KMT2C: variants seen among roughly 807,000 people sequenced by gnomAD.
The protein encoded by KMT2C is lysine methyltransferase 2C, also known as histone-lysine N-methyltransferase 2C.
Under a neutral mutation model 507.9 loss-of-function variants are expected in KMT2C, and 88 were observed. The observed-to-expected ratio is 0.17, with a 90% CI of 0.15 to 0.21. The LOEUF (loss-of-function observed/expected upper bound fraction) is 0.21, where lower values mean the gene tolerates loss of function less well. Among genes scored for constraint, KMT2C ranks in the 10% least tolerant of loss-of-function variants. The pLI, the probability that KMT2C is intolerant of heterozygous loss-of-function variation, is 1.00. For missense variants in KMT2C, 4,954 were observed against 5,957.8 expected, an observed-to-expected ratio of 0.83 and a Z score of 5.55; for synonymous variants, 2,049 against 2,080.8, an observed-to-expected ratio of 0.98 and a Z score of 0.42.
At chr7:152,305,066 A>ATTCT (rs2096603419) in intron 6 of KMT2C, among the ~76,000 whole-genome samples, 1 of 152,136 alleles carries the variant, frequency 6.6e-6, no homozygotes, top group South Asian at 2.1e-4. Flanking sequence ...GGTACTTAGA[A>ATTCT]CTTATTTGCT....
At chr7:152,163,988 T>C (rs983919511) in intron 42 of KMT2C, among the ~76,000 whole-genome samples, 162 bp from the exon 43 acceptor site, 5 of 152,210 alleles carry the variant, frequency 3.3e-5, no homozygotes, top group African/African-American at 9.6e-5. Context: ...AAAAATTGAA[T>C]TGATAAGCCT....
intron 5 of KMT2C, 121 bp downstream of exon 5, chr7:152,311,677 T>TA (rs1361776572): frequency 1.4e-6 from 1 of 724,302 alleles, no homozygotes; most frequent in Admixed American, 3.2e-5. Context: ...ATGATTTTTT[T>TA]ATAGTATGAT....
intron 6 of KMT2C, among the ~76,000 whole-genome samples, chr7:152,301,665 C>T (rs2096570078): frequency 6.6e-6 from 1 of 152,076 alleles, no homozygotes; most frequent in East Asian, 1.9e-4. Flanking sequence ...CCAGCTTAAA[C>T]AACTGAGATG....
rs1443441791 is a variant in KMT2C, at chr7:152,146,767, G to T, written c.13895-32C>A. On this transcript the variant is annotated intron_variant, in intron 52 of 58. Coordinates refer to ENST00000262189, the MANE Select transcript of KMT2C (RefSeq NM_170606.3). ...AGGGACAAAAACATAATTTTTATAG[G>T]AAATAGGATACAGTATAAAAAACAA... 5.6e-6 allele frequency: 9 copies of T among 1,596,500 alleles called. No homozygotes were observed. In the African/African-American group the frequency reaches 1.2e-4, roughly 21 times the overall value.
chr7:152,299,242 C>T (rs190593411), intron 6 of KMT2C, among the ~76,000 whole-genome samples: 36 of 151,986 alleles, frequency 2.4e-4, no homozygotes, highest in African/African-American at 8.0e-4. Flanking sequence ...CGCTTGAACC[C>T]AGGAGGCGGA....
rs542491209 is a variant in KMT2C at position 152,259,252 on chromosome 7, C to T, written c.1299+3764G>A. Among the ~76,000 whole-genome samples, 10 of 152,142 alleles carry T rather than the reference C, an allele frequency of 6.6e-5. No homozygotes were observed. In the South Asian group the frequency reaches 2.1e-3, roughly 32 times the overall value. The stretch of plus-strand genomic sequence containing the variant: ...ATCAAATGACATAACTGGAATATGG[C>T]TAGTACATTAGATAAACATACTACA... On this transcript the variant is annotated intron_variant, in intron 9 of 58. Coordinates refer to ENST00000262189, the MANE Select transcript of KMT2C (RefSeq NM_170606.3).
At chr7:152,432,228 CACCCAT>C (rs2097869231) in intron 1 of KMT2C, among the ~76,000 whole-genome samples, 1 of 152,208 alleles carries the variant, frequency 6.6e-6, no homozygotes, top group Non-Finnish European at 1.5e-5. Flanking sequence ...CCCACACCCA[CACCCAT>C]TTCTAACATC....
intron 31 of KMT2C, among the ~76,000 whole-genome samples, chr7:152,191,743 T>C (rs975454775): frequency 2.0e-5 from 3 of 152,346 alleles, no homozygotes; most frequent in Middle Eastern, 3.4e-3. Flanking sequence ...CTTCTAGTTT[T>C]GCTTCCTTAA....
intron 6 of KMT2C, among the ~76,000 whole-genome samples, chr7:152,279,720 A>G (rs1208961315): frequency 1.3e-5 from 2 of 152,192 alleles, no homozygotes; most frequent in Non-Finnish European, 2.9e-5. Context: ...ACGACATTAC[A>G]AAATCAAAAT....
chr7:152,386,209 GA>G (rs971685442), intron 1 of KMT2C, among the ~76,000 whole-genome samples: 4,314 of 134,640 alleles, frequency 0.032, 33 homozygotes, highest in African/African-American at 0.088. Context: ...TGTTAAAAAA[GA>G]AAAAAAAAAA....
chr7:152,209,134 G>A (rs534818305), intron 23 of KMT2C, among the ~76,000 whole-genome samples: 5 of 147,154 alleles, frequency 3.4e-5, no homozygotes, highest in Non-Finnish European at 6.0e-5. Context: ...ACTCCAGCCT[G>A]AGCAGCAAGA....
chr7:152,282,564 T>C (rs2096237543), intron 6 of KMT2C, among the ~76,000 whole-genome samples: 1 of 152,086 alleles, frequency 6.6e-6, no homozygotes, highest in Non-Finnish European at 1.5e-5. Flanking sequence ...ACATGAAAGA[T>C]GACAGAAAAC....
intron 31 of KMT2C, among the ~76,000 whole-genome samples, chr7:152,193,118 G>A (rs986830148): frequency 1.3e-5 from 2 of 152,310 alleles, no homozygotes; most frequent in East Asian, 1.9e-4. Context: ...CGCAGCTGAC[G>A]TGAGTTGTGT....
chr7:152,311,656 C>A (rs1468493237), intron 5 of KMT2C, 142 bp downstream of exon 5: 1 of 592,902 alleles, frequency 1.7e-6, no homozygotes, highest in East Asian at 3.0e-5. Flanking sequence ...CCTAACCAGG[C>A]ATATTTAATA....
At position 152,179,910 on chromosome 7, in the gene KMT2C, C is replaced by T. The variant is rs527582568; in HGVS notation, c.7366G>A (p.Ala2456Thr). 1.2e-6 allele frequency: 2 copies of T among 1,614,102 alleles called. No homozygotes were observed. Among genetic ancestry groups the T allele is most frequent in the Admixed American group, 3.3e-5 (2 of 60,024 alleles). Residue 2456 changes from alanine to threonine, a missense_variant, in exon 37 of 59, where the codon GCT (alanine) becomes ACT (threonine). Around this residue, in one of 29 missense-constraint regions of KMT2C, gnomAD observed 1,689 missense variants for 1,654.3 expected, o/e 1.02. Transcript: ENST00000262189. The part of the protein sequence containing the change: ...PVAPPLGPRY[A>T]VFPKDQRGPY... The stretch of plus-strand genomic sequence containing the variant: ...CCACGCTGATCTTTTGGGAAAACAG[C>T]ATATCTAGGTCCTAAAGGAGGGGCA...
rs776507957 is a variant in KMT2C at position 152,152,690 on chromosome 7, A to G, written c.12526+15T>C. The stretch of plus-strand genomic sequence containing the variant: ...AGGAATGGATTTGGGGTTAACAAAA[A>G]GCTCACTAGCTCACCATTGCTTGTT... On this transcript the variant is annotated intron_variant, in intron 49 of 58. Transcript: ENST00000262189. The G allele has an allele frequency of 8.7e-6, 14 of 1,611,524 alleles. No individual in the cohort carries two copies. The highest frequency in any genetic ancestry group is 2.2e-5 in the East Asian group (1 of 44,808).
At chr7:152,340,379 A>T (rs2096980234) in intron 2 of KMT2C, among the ~76,000 whole-genome samples, 1 of 152,116 alleles carries the variant, frequency 6.6e-6, no homozygotes. Flanking sequence ...CTAAAACTAC[A>T]GAAGAAAACA....
At chr7:152,348,413 A>G (rs1469581877) in intron 2 of KMT2C, among the ~76,000 whole-genome samples, 2 of 151,690 alleles carry the variant, frequency 1.3e-5, no homozygotes, top group East Asian at 3.9e-4. Context: ...TCTGACCAAC[A>G]TGGTGAAACC....
intron 9 of KMT2C, among the ~76,000 whole-genome samples, chr7:152,261,774 A>G (rs1267147546): frequency 6.6e-6 from 1 of 152,234 alleles, no homozygotes; most frequent in African/African-American, 2.4e-5. Flanking sequence ...CAAGTAGAGG[A>G]ACTGAGTGAA....
Sources: allele counts gnomAD v4.1 joint callset (sites outside exome capture counted in the v4.1 genomes callset), GRCh38; gene constraint gnomAD v4.1.1; regional missense constraint gnomAD v4.1.1; transcripts MANE v1.5; gene names NCBI Gene and HGNC (gene_info 2026-07-23, HGNC 2026-07-21).